The following XIST variants were observed in gnomAD, a reference collection of about 807,000 sequenced individuals.
The protein encoded by XIST is X inactive specific transcript.
exon 6 of XIST, chrX:73,826,065 C>T (rs1328047862): frequency 5.4e-6 from 3 of 557,200 alleles, no homozygotes; most frequent in South Asian, 2.2e-5. Context: ...GGCACAGTCA[C>T]CCTTTCCATA....
exon 1 of XIST, chrX:73,844,397 T>G (rs1430934738): frequency 1.8e-6 from 1 of 556,551 alleles, no homozygotes; most frequent in African/African-American, 2.2e-5. Context: ...AAGGTGCCCT[T>G]ATCTAGTACA....
At chrX:73,823,412 ATAT>A (rs1293011083) in exon 6 of XIST, 2 of 510,665 alleles carry the variant, frequency 3.9e-6, no homozygotes, top group African/African-American at 2.4e-5. Context: ...AGGCATTGAA[ATAT>A]TATTTAAACA....
chrX:73,824,806 TTTAAC>T (rs1256810160), exon 6 of XIST: 2 of 558,829 alleles, frequency 3.6e-6, no homozygotes, highest in Non-Finnish European at 6.5e-6. Context: ...TCAGTAATAA[TTTAAC>T]TTAACCTCAC....
chrX:73,821,080 C>T, exon 6 of XIST: 1 of 558,519 alleles, frequency 1.8e-6, no homozygotes, highest in Non-Finnish European at 3.2e-6. Flanking sequence ...TTCCAATAAT[C>T]CATTCCCCAT....
At chrX:73,830,025 A>C (rs1431891131) in intron 4 of XIST, among the ~76,000 whole-genome samples, 1 of 110,451 alleles carries the variant, frequency 9.1e-6, no homozygotes, top group African/African-American at 3.3e-5. Context: ...CATTTTCAAA[A>C]CTCACAATAT....
chrX:73,849,157 G>A, exon 1 of XIST: 1 of 559,230 alleles, frequency 1.8e-6, no homozygotes. Flanking sequence ...TAGTCTTCAT[G>A]ATTAATGGGT....
chrX:73,842,051 AC>A, exon 1 of XIST: 1 of 550,213 alleles, frequency 1.8e-6, no homozygotes, highest in Non-Finnish European at 3.3e-6. Context: ...CAGACCCACC[AC>A]CCTCAGTTAA....
chrX:73,844,748 C>T (rs768260457), exon 1 of XIST: 7 of 556,803 alleles, frequency 1.3e-5, no homozygotes, highest in Non-Finnish European at 1.9e-5. Flanking sequence ...TATCAGCACC[C>T]CTGCTGTACT....
chrX:73,829,244 A>G (rs1922329007), intron 4 of XIST: 1 of 550,038 alleles, frequency 1.8e-6, no homozygotes. Context: ...ATAAAAAAAC[A>G]TGAGATAAAC....
At chrX:73,836,771 G>A (rs1922491188) in intron 2 of XIST, among the ~76,000 whole-genome samples, 1 of 110,890 alleles carries the variant, frequency 9.0e-6, no homozygotes, top group Admixed American at 9.7e-5. Context: ...TTTAGGTCCA[G>A]GCAGGAGATA....
intron 5 of XIST, chrX:73,828,113 T>C: frequency 2.3e-6 from 1 of 437,069 alleles, no homozygotes; most frequent in Non-Finnish European, 4.0e-6. Context: ...AAAAGTGTCA[T>C]TAGTAATTAT....
exon 6 of XIST, chrX:73,824,876 T>C: frequency 1.8e-6 from 1 of 556,194 alleles, no homozygotes; most frequent in Non-Finnish European, 3.2e-6. Context: ...TACATCTGAA[T>C]AGTATAGAGG....
At chrX:73,850,231 C>G (rs750654920) in exon 1 of XIST, 1 of 549,394 alleles carries the variant, frequency 1.8e-6, no homozygotes, top group South Asian at 2.3e-5. Flanking sequence ...AAATGACCAG[C>G]ACATTTTTAA....
At chrX:73,848,803 G>A (rs1288662572) in exon 1 of XIST, 2 of 556,700 alleles carry the variant, frequency 3.6e-6, no homozygotes, top group East Asian at 3.3e-5. Context: ...ATGGCAAAGA[G>A]GACATCCTAG....
exon 6 of XIST, chrX:73,824,658 T>C (rs941336080): frequency 1.8e-6 from 1 of 556,842 alleles, no homozygotes. Context: ...ACAGAAAGCA[T>C]CAAATTTTTC....
rs192128549 is a variant in XIST, at chrX:73,838,162, A to G, written n.11343-659T>C. Among the ~76,000 whole-genome samples the G allele has an allele frequency of 6.3e-5, 7 of 111,246 alleles. No individual in the cohort carries two copies. The East Asian group carries it at 2.0e-3, about 31-fold the overall frequency. ...GAGTGATTATATCCCATCACTGTTC[A>G]ATGCCAATCACACTAACAGCATACT... On this transcript the variant is annotated intron_variant and non_coding_transcript_variant, in intron 1 of 5. Coordinates refer to ENST00000429829, the Ensembl canonical transcript of XIST.
exon 1 of XIST, chrX:73,843,958 G>A (rs771887575): frequency 1.8e-6 from 1 of 558,115 alleles, no homozygotes; most frequent in African/African-American, 2.2e-5. Flanking sequence ...CACCAGAAGG[G>A]GCCTTGGAGG....
exon 4 of XIST, chrX:73,831,171 CT>C: frequency 1.8e-6 from 1 of 556,875 alleles, no homozygotes; most frequent in Non-Finnish European, 3.2e-6. Context: ...TGGTAGTGAG[CT>C]TTTCCCCTGG....
exon 1 of XIST, chrX:73,845,017 AG>A (rs769824140): frequency 1.4e-5 from 8 of 553,178 alleles, no homozygotes; most frequent in Admixed American, 2.2e-5. Context: ...GGCCAGGAAG[AG>A]GGGCCTTGGT....
Sources: allele counts gnomAD v4.1 joint callset (sites outside exome capture counted in the v4.1 genomes callset), GRCh38; gene constraint gnomAD v4.1.1; transcripts MANE v1.5; gene names NCBI Gene and HGNC (gene_info 2026-07-23, HGNC 2026-07-21).